Variants in PKHD1 observed in about 807,000 individuals in gnomAD.
PKHD1 encodes the protein PKHD1 ciliary IPT domain containing fibrocystin/polyductin.
Under a neutral mutation model 412.0 loss-of-function variants are expected in PKHD1, and 291 were observed. The observed-to-expected ratio is 0.71, with a 90% CI of 0.64 to 0.78. The LOEUF (loss-of-function observed/expected upper bound fraction) is 0.78, where lower values mean the gene tolerates loss of function less well. Among genes scored for constraint, PKHD1 ranks in the 30% least tolerant of loss-of-function variants. The pLI, the probability that PKHD1 is intolerant of heterozygous loss-of-function variation, is 0.00. For missense variants in PKHD1, 4,825 were observed against 4,950.7 expected, an observed-to-expected ratio of 0.97 and a Z score of 0.76; for synonymous variants, 1,777 against 1,821.5, an observed-to-expected ratio of 0.98 and a Z score of 0.62.
chr6:51,923,351 G>A (rs1176191101), intron 37 of PKHD1, among the ~76,000 whole-genome samples: 1 of 152,130 alleles, frequency 6.6e-6, no homozygotes, highest in Admixed American at 6.5e-5. Context: ...CATAATGACT[G>A]AACTTTGCCC....
chr6:51,699,862 T>A (rs1779213973), intron 60 of PKHD1, among the ~76,000 whole-genome samples: 1 of 151,656 alleles, frequency 6.6e-6, no homozygotes, highest in Non-Finnish European at 1.5e-5. Context: ...TGGCGAGAAC[T>A]ATTATGCTGG....
intron 50 of PKHD1, among the ~76,000 whole-genome samples, chr6:51,839,662 C>T (rs1769829651): frequency 6.6e-6 from 1 of 152,156 alleles, no homozygotes; most frequent in Non-Finnish European, 1.5e-5. Context: ...CTAACCAGGT[C>T]TAATTCTCTC....
intron 52 of PKHD1, among the ~76,000 whole-genome samples, chr6:51,824,911 T>A (rs1767066955): frequency 6.6e-6 from 1 of 152,130 alleles, no homozygotes. Context: ...TTTGGAGAGT[T>A]GACAAATACC....
chr6:51,627,034 T>G lies in PKHD1; in HGVS notation c.11748A>C (p.Ser3916=). Residue 3916 remains serine (S), a synonymous_variant, in exon 66 of 67, where the codon TCA becomes TCC. Transcript: ENST00000371117. The part of the protein sequence containing the change: ...HIHISSKRRE[S]QGPKKEDTVV... ...CAGTGTCTTCTTTTTTGGGCCCTTG[T>G]GATTCTCGGCGTTTGGATGAGATGT... 1 of 1,613,516 alleles carries G rather than the reference T, an allele frequency of 6.2e-7. No individual in the cohort carries two copies. Among genetic ancestry groups the G allele is most frequent in the Non-Finnish European group, 8.5e-7 (1 of 1,179,544 alleles).
At chr6:51,687,892 C>T (rs193218208) in intron 60 of PKHD1, among the ~76,000 whole-genome samples, 52 of 148,960 alleles carry the variant, frequency 3.5e-4, no homozygotes, top group East Asian at 3.4e-3. Flanking sequence ...TATTTTCAAA[C>T]GATGTGGATT....
chr6:51,774,476 A>T (rs1043672525), intron 54 of PKHD1, among the ~76,000 whole-genome samples: 1 of 151,984 alleles, frequency 6.6e-6, no homozygotes, highest in African/African-American at 2.4e-5. Context: ...AGGCAAAAGA[A>T]GATCAAATAT....
At chr6:51,929,246 A>C (rs1420656369) in intron 37 of PKHD1, among the ~76,000 whole-genome samples, 1 of 152,118 alleles carries the variant, frequency 6.6e-6, no homozygotes, top group Non-Finnish European at 1.5e-5. Context: ...CCCAGAGCTA[A>C]ATCAGTCTTG....
rs570760306 is a variant in PKHD1, at chr6:51,618,773, G to A, written c.*308C>T. 1.2e-3 allele frequency: 475 copies of A among 408,996 alleles called. No individual in the cohort carries two copies. The highest frequency in any genetic ancestry group is 1.7e-3 in the Non-Finnish European group (378 of 217,722). 25.3% of individuals were successfully genotyped at this position (408,996 alleles called of 1,614,324 possible). ...TTAATAATAACCCCTGCTGGTATAA[G>A]TCAGTATTACACCATTATCAAGTTG... On this transcript the variant is annotated 3_prime_UTR_variant, in exon 67 of 67. Coordinates refer to ENST00000371117, the MANE Select transcript of PKHD1 (RefSeq NM_138694.4).
chr6:51,981,313 C>A (rs1159013973), intron 35 of PKHD1, among the ~76,000 whole-genome samples: 6 of 8,106 alleles, frequency 7.4e-4, no homozygotes, highest in African/African-American at 1.8e-3. Flanking sequence ...AGCTCAAGCT[C>A]TCCCTCTCCC....
Position 51,640,855 on chromosome 6 carries a change from GTA to G in PKHD1, c.11399-1901_11399-1900del, listed in dbSNP as rs1404412947. Among the ~76,000 whole-genome samples, 13 of 152,234 alleles carry G rather than the reference GTA, an allele frequency of 8.5e-5. No individual in the cohort carries two copies. The East Asian group carries it at 2.5e-3, about 29-fold the overall frequency. On this transcript the variant is annotated intron_variant, in intron 63 of 66. Coordinates refer to ENST00000371117, the MANE Select transcript of PKHD1 (RefSeq NM_138694.4). ...AAGACCTGTAAATAATTGTCCTTGA[GTA>G]TATAAATTCACTTTTTATGATAATA...
chr6:51,786,232 C>T (rs1792832998), intron 53 of PKHD1, among the ~76,000 whole-genome samples: 1 of 152,092 alleles, frequency 6.6e-6, no homozygotes, highest in Non-Finnish European at 1.5e-5. Context: ...CCAAATAACT[C>T]TTCCTTGCCT....
intron 55 of PKHD1, among the ~76,000 whole-genome samples, chr6:51,764,658 C>A (rs1051241980): frequency 6.6e-6 from 1 of 151,914 alleles, no homozygotes; most frequent in South Asian, 2.1e-4. Context: ...AGACTTGGAA[C>A]CAACCCAAAT....
Position 51,746,718 on chromosome 6 carries a change from T to C in PKHD1, c.9998+3A>G. On this transcript the variant is annotated splice_donor_region_variant and intron_variant, in intron 59 of 66. Coordinates refer to ENST00000371117, the MANE Select transcript of PKHD1 (RefSeq NM_138694.4). ...GGCTTATTATAAATACTAAAAATTATACCTGGGTTGTAATGAAGGAAAGTA... is the reference window on the plus strand; with the variant it reads ...GGCTTATTATAAATACTAAAAATTACACCTGGGTTGTAATGAAGGAAAGTA... The C allele has an allele frequency of 6.4e-7, 1 of 1,567,694 alleles. No homozygotes were observed. Among genetic ancestry groups the C allele is most frequent in the Non-Finnish European group, 8.8e-7 (1 of 1,138,082 alleles).
At chr6:51,644,094 A>G (rs2150349675) in intron 63 of PKHD1, among the ~76,000 whole-genome samples, 1 of 152,282 alleles carries the variant, frequency 6.6e-6, no homozygotes, top group South Asian at 2.1e-4. Flanking sequence ...ACGAGATGTC[A>G]ATCGCCTCCT....
intron 35 of PKHD1, among the ~76,000 whole-genome samples, chr6:52,008,816 G>A (rs11968546): frequency 0.081 from 12,370 of 152,058 alleles, 622 homozygotes; most frequent in Middle Eastern, 0.2. Context: ...CCTGCCTAAA[G>A]TCCCCCAAGA....
At position 52,025,138 on chromosome 6, in the gene PKHD1, C is replaced by A; in HGVS notation, c.4672G>T (p.Gly1558Trp). 1 of 1,613,998 alleles carries A rather than the reference C, an allele frequency of 6.2e-7. No homozygotes were observed. The highest frequency in any genetic ancestry group is 1.1e-5 in the South Asian group (1 of 91,084). Residue 1558 changes from glycine to tryptophan, a missense_variant, in exon 32 of 67, where the codon GGG becomes TGG. Transcript: ENST00000371117. ...HYLSVFYTRN[G>W]YACSGNVSRH... ...GAAACATTACCAGAACAAGCATACC[C>A]ATTTCTTGTATAAAAAACTGACAGG...
intron 60 of PKHD1, among the ~76,000 whole-genome samples, chr6:51,691,538 A>G (rs1778156039): frequency 1.3e-5 from 2 of 152,240 alleles, no homozygotes; most frequent in Admixed American, 1.3e-4. Context: ...CATTATCCTT[A>G]GCAAACTAAC....
At chr6:51,646,223 A>G (rs1681161059) in intron 63 of PKHD1, among the ~76,000 whole-genome samples, 2 of 152,190 alleles carry the variant, frequency 1.3e-5, no homozygotes, top group South Asian at 2.1e-4. Flanking sequence ...GATATTGTGC[A>G]TGATTGGGAC....
intron 29 of PKHD1, among the ~76,000 whole-genome samples, chr6:52,032,729 A>T (rs1371741009): frequency 6.6e-6 from 1 of 152,220 alleles, no homozygotes; most frequent in African/African-American, 2.4e-5. Context: ...TTTTATGTTT[A>T]TGCTATCATT....
Sources: gnomAD v4.1 joint callset for allele counts (sites outside exome capture counted in the v4.1 genomes callset) on GRCh38, gnomAD v4.1.1 for gene constraint, MANE v1.5 for transcripts, NCBI Gene and HGNC (gene_info 2026-07-23, HGNC 2026-07-21) for gene names.